The following ANGPT2 variants were observed in gnomAD, a reference collection of about 807,000 sequenced individuals.
ANGPT2 encodes the protein angiopoietin-2.
Under a neutral mutation model 62.9 loss-of-function variants are expected in ANGPT2, and 28 were observed. The observed-to-expected ratio is 0.44, with a 90% CI of 0.33 to 0.61. ANGPT2 has a LOEUF of 0.61. Among genes scored for constraint, ANGPT2 ranks in the 20% least tolerant of loss-of-function variants. The pLI, the probability that ANGPT2 is intolerant of heterozygous loss-of-function variation, is 0.03. For missense variants in ANGPT2, 727 were observed against 594.9 expected (o/e 1.22, Z -2.31); for synonymous variants, 284 against 207.8 (o/e 1.37, Z -3.15).
intron 3 of ANGPT2, 112 bp downstream of exon 3, chr8:6,527,443 T>G: frequency 5.1e-6 from 7 of 1,365,530 alleles, no homozygotes; most frequent in Non-Finnish European, 7.0e-6. Context: ...TTTCTGACCC[T>G]TACACTAGAC....
At chr8:6,519,835 G>T (rs1816969861) in intron 5 of ANGPT2, 29 bp downstream of exon 5, 1 of 1,611,092 alleles carries the variant, frequency 6.2e-7, no homozygotes, top group Non-Finnish European at 8.5e-7. Context: ...TAGAGCCAGG[G>T]AGTTAGTAAG....
intron 2 of ANGPT2, among the ~76,000 whole-genome samples, chr8:6,528,924 G>T (rs1405120968): frequency 6.6e-6 from 1 of 152,124 alleles, no homozygotes; most frequent in South Asian, 2.1e-4. Context: ...GCCAACGTAA[G>T]GTTTTGTTTG....
At chr8:6,519,686 G>C (rs1355370819) in intron 5 of ANGPT2, among the ~76,000 whole-genome samples, 178 bp downstream of exon 5, 3 of 152,218 alleles carry the variant, frequency 2.0e-5, no homozygotes, top group Admixed American at 6.5e-5. Flanking sequence ...CTGCACAGCA[G>C]CGGCACTTAG....
chr8:6,562,898 G>A lies in ANGPT2; in HGVS notation c.37C>T (p.Leu13Phe), dbSNP rs1452198017. The change falls in exon 1 of 9, where the codon CTT (leucine) becomes TTT (phenylalanine). Residue 13 changes from leucine (L) to phenylalanine (F), a missense_variant. By Grantham distance (22) the Leu-to-Phe change is conservative. Coordinates refer to ENST00000629816, the MANE Select transcript of ANGPT2 (RefSeq NM_001118887.2). ...QIVFFTLSCD[L>F]VLAAAYNNFR... The stretch of plus-strand genomic sequence containing the variant: ...TTGTTATAGGCTGCGGCCAAGACAA[G>A]ATCACAGCTCAGAGTAAAGAAAACA... 2.5e-6 allele frequency: 4 copies of A among 1,606,896 alleles called. No homozygotes were observed. The highest frequency in any genetic ancestry group is 3.4e-6 in the Non-Finnish European group (4 of 1,174,132).
intron 3 of ANGPT2, among the ~76,000 whole-genome samples, chr8:6,524,802 A>G (rs776390921): frequency 1.3e-5 from 2 of 152,206 alleles, no homozygotes; most frequent in Non-Finnish European, 2.9e-5. Flanking sequence ...ATCACAGGGA[A>G]TACATATGAA....
In ANGPT2 at chr8:6,505,225, T is replaced by TTTATA. The variant is rs1238074522; in HGVS notation, c.1328-1965_1328-1964insTATAA. ...ATATATAGAATATATATATATATTC[T>TTTATA]TATGTATATATAGAATATATATTCT... On this transcript the variant is annotated intron_variant, in intron 8 of 8. Coordinates refer to ENST00000629816, the MANE Select transcript of ANGPT2 (RefSeq NM_001118887.2). Among the ~76,000 whole-genome samples the TTTATA allele has an allele frequency of 1.4e-3, 94 of 67,914 alleles. 21 individuals are homozygous for TTTATA. The highest frequency in any genetic ancestry group is 7.5e-3 in the African/African-American group (84 of 11,196). The allele number at this position is 67,914 out of a possible 152,430, so 44.6% of individuals were successfully genotyped here.
In ANGPT2 at chr8:6,503,051, T is replaced by A; in HGVS notation, c.*50A>T. Reference sequence around the variant, plus strand: ...AGCCGTGACTTTCAGTGCACTGGGCTTAAGTCTTTGAAAATAGTTCGAGAC... The same window carrying A: ...AGCCGTGACTTTCAGTGCACTGGGCATAAGTCTTTGAAAATAGTTCGAGAC... On this transcript the variant is annotated 3_prime_UTR_variant, in exon 9 of 9. Transcript: ENST00000629816. The A allele has an allele frequency of 6.2e-7, 1 of 1,607,698 alleles. No individual in the cohort carries two copies. The highest frequency in any genetic ancestry group is 8.5e-7 in the Non-Finnish European group (1 of 1,176,386).
chr8:6,520,027 T>C (rs1817014429), intron 4 of ANGPT2, 36 bp from the exon 5 acceptor site: 1 of 1,607,506 alleles, frequency 6.2e-7, no homozygotes, highest in African/African-American at 1.3e-5. Context: ...TTAAACGGAG[T>C]TCATGAAAAG....
At chr8:6,522,130 C>A (rs887396548) in intron 3 of ANGPT2, among the ~76,000 whole-genome samples, 1 of 151,654 alleles carries the variant, frequency 6.6e-6, no homozygotes, top group Non-Finnish European at 1.5e-5. Flanking sequence ...CCGAGGCGGG[C>A]GGATCACGAG....
At chr8:6,517,646 C>A (rs1037477290) in intron 5 of ANGPT2, among the ~76,000 whole-genome samples, 6 of 152,180 alleles carry the variant, frequency 3.9e-5, no homozygotes, top group African/African-American at 1.4e-4. Flanking sequence ...TGACCACTAC[C>A]ATTTACTGTC....
In ANGPT2 at chr8:6,505,814, T is replaced by C. The variant is rs185674989; in HGVS notation, c.1328-2553A>G. Among the ~76,000 whole-genome samples, 22 of 138,098 alleles carry C rather than the reference T, an allele frequency of 1.6e-4. 1 individual carries two copies. The highest frequency in any genetic ancestry group is 5.5e-4 in the African/African-American group (21 of 38,310). 90.6% of individuals were successfully genotyped at this position (138,098 alleles called of 152,430 possible). A position where few individuals can be genotyped will look rare whatever the true frequency, so the allele number is the denominator to read the frequency against. ...TATATAAAAACATGCATATTCTTTA[T>C]ATATGTATATATAAAAACATGCATA... On this transcript the variant is annotated intron_variant, in intron 8 of 8. Transcript: ENST00000629816.
chr8:6,554,456 C>T (rs1244419609), intron 1 of ANGPT2, among the ~76,000 whole-genome samples: 2 of 152,064 alleles, frequency 1.3e-5, no homozygotes, highest in African/African-American at 4.8e-5. Context: ...ATAAAATAAT[C>T]CATTTCCCAA....
chr8:6,563,070 C>A lies in ANGPT2; in HGVS notation c.-136G>T. 1 of 952,682 alleles carries A rather than the reference C, an allele frequency of 1.0e-6. No homozygotes were observed. The highest frequency in any genetic ancestry group is 1.5e-6 in the Non-Finnish European group (1 of 662,294). The allele number at this position is 952,682 out of a possible 1,614,324, so 59.0% of individuals were successfully genotyped here. ...GTCCGTCAATGAAAGTCTTCTCTTT[C>A]CTCTTTTTCCAGTAGCAAACCTGGT... On this transcript the variant is annotated 5_prime_UTR_variant, in exon 1 of 9. Transcript: ENST00000629816.
chr8:6,562,066 T>C lies in ANGPT2; in HGVS notation c.288+581A>G, dbSNP rs370989793. On this transcript the variant is annotated intron_variant, in intron 1 of 8. Transcript: ENST00000629816. ...TTTACAGACGGCAAGCCCTTAGTGG[T>C]AGGGCCCTGAGATTCTGAGAAACAT... 3.0e-4 allele frequency among the ~76,000 whole-genome samples: 45 copies of C among 152,348 alleles called. No homozygotes were observed. In the East Asian group the frequency reaches 5.4e-3, roughly 18 times the overall value.
At chr8:6,504,084 C>T (rs978319932) in intron 8 of ANGPT2, among the ~76,000 whole-genome samples, 24 of 151,354 alleles carry the variant, frequency 1.6e-4, no homozygotes, top group Non-Finnish European at 7.4e-5. Context: ...TTTGGGAGGC[C>T]GAGGTGGGTG....
chr8:6,547,881 C>T (rs1384599270), intron 1 of ANGPT2, among the ~76,000 whole-genome samples: 2 of 150,446 alleles, frequency 1.3e-5, no homozygotes, highest in Non-Finnish European at 2.9e-5. Context: ...GTCATCTTAC[C>T]CCCATTTTTT....
chr8:6,557,170 C>T (rs1351137980), intron 1 of ANGPT2, among the ~76,000 whole-genome samples: 4 of 152,154 alleles, frequency 2.6e-5, no homozygotes, highest in East Asian at 1.9e-4. Flanking sequence ...GAAAATTCTG[C>T]TTTTGTCAGA....
chr8:6,504,043 G>T (rs1431675718), intron 8 of ANGPT2, among the ~76,000 whole-genome samples: 1 of 152,216 alleles, frequency 6.6e-6, no homozygotes, highest in East Asian at 1.9e-4. Flanking sequence ...CAGGGGCCGG[G>T]CGCAGTGGCT....
intron 5 of ANGPT2, among the ~76,000 whole-genome samples, chr8:6,515,413 A>G (rs2129567996): frequency 6.6e-6 from 1 of 152,320 alleles, no homozygotes; most frequent in African/African-American, 2.4e-5. Context: ...GGCTTGGCTT[A>G]GCACCTTGGC....
Sources: gnomAD v4.1 joint callset for allele counts (sites outside exome capture counted in the v4.1 genomes callset) on GRCh38, gnomAD v4.1.1 for gene constraint, MANE v1.5 for transcripts, NCBI Gene and HGNC (gene_info 2026-07-23, HGNC 2026-07-21) for gene names.